Variants in MAN1B1 observed in about 807,000 individuals in gnomAD.
The protein encoded by MAN1B1 is endoplasmic reticulum mannosyl-oligosaccharide 1,2-alpha-mannosidase.
Under a neutral mutation model 75.5 loss-of-function variants are expected in MAN1B1, and 66 were observed. That is an observed-to-expected ratio of 0.87 (90% confidence interval 0.72 to 1.07). The LOEUF (loss-of-function observed/expected upper bound fraction) is 1.07. Among genes scored for constraint, MAN1B1 ranks in the 50% least tolerant of loss-of-function variants. The pLI is 0.00. For missense variants in MAN1B1, 973 were observed against 912.5 expected (o/e 1.07, Z -0.85); for synonymous variants, 453 against 382.8 (o/e 1.18, Z -2.14).
rs778700139 is a variant in MAN1B1 at position 137,107,442 on chromosome 9, G to T, written c.1759G>T (p.Val587Phe). The change falls in exon 11 of 13, where the codon GTC becomes TTC. Residue 587 changes from valine to phenylalanine, a missense_variant. Transcript: ENST00000371589. ...CCAGCCGGGCCGTCGGGACGTGGAG[G>T]TCAAGGTGGGCCTGGGCCTGGGTCA... is the stretch of plus-strand genomic sequence containing the variant. ...YPQPGRRDVE[V>F]KPADRHNLLR... is the part of the protein sequence containing the mutation. 1.2e-6 allele frequency: 2 copies of T among 1,613,226 alleles called. No homozygotes were observed. Among genetic ancestry groups the T allele is most frequent in the Non-Finnish European group, 1.7e-6 (2 of 1,179,972 alleles).
chr9:137,092,273 G>A (rs980145431), intron 3 of MAN1B1, among the ~76,000 whole-genome samples: 1 of 151,988 alleles, frequency 6.6e-6, no homozygotes, highest in Non-Finnish European at 1.5e-5. Flanking sequence ...TGGGAGGATC[G>A]CTTAAGCCAG....
chr9:137,106,120 C>T lies in MAN1B1; in HGVS notation c.1255-5C>T, dbSNP rs73569532. 1.9e-3 allele frequency: 3,002 copies of T among 1,612,090 alleles called. 52 individuals carry two copies. In the African/African-American group the frequency reaches 0.034, roughly 18 times the overall value. On this transcript the variant is annotated splice_region_variant and splice_polypyrimidine_tract_variant and intron_variant, in intron 8 of 12. Transcript: ENST00000371589. Reference sequence around the variant, plus strand: ...GTAAACCCACCATCCCCCTTTCTGCCGCAGGAGGCAGTGGAGAAGGTGACA... The same window carrying T: ...GTAAACCCACCATCCCCCTTTCTGCTGCAGGAGGCAGTGGAGAAGGTGACA...
At position 137,106,196 on chromosome 9, in the gene MAN1B1, C is replaced by T. The variant is rs1831093512; in HGVS notation, c.1326C>T (p.Phe442=). 4 of 1,612,022 alleles carry T rather than the reference C, an allele frequency of 2.5e-6. No homozygotes were observed. The highest frequency in any genetic ancestry group is 3.4e-6 in the Non-Finnish European group (4 of 1,179,620). The part of the protein sequence containing the change: ...SGKKDGLVPM[F]INTHSGLFTH... ...AGAAGGATGGGCTGGTGCCCATGTT[C>T]ATCAATACCCACAGTGGCCTCTTCA... Residue 442 remains phenylalanine (F), a synonymous_variant, in exon 9 of 13, where the codon TTC becomes TTT. Coordinates refer to ENST00000371589, the MANE Select transcript of MAN1B1 (RefSeq NM_016219.5).
In MAN1B1 at chr9:137,107,592, G is replaced by A. The variant is rs1032317403; in HGVS notation, c.1826G>A (p.Arg609His). 16 of 1,612,134 alleles carry A rather than the reference G, an allele frequency of 9.9e-6. No individual in the cohort carries two copies. Among genetic ancestry groups the A allele is most frequent in the East Asian group, 8.9e-5 (4 of 44,880 alleles). Residue 609 changes from arginine (R) to histidine (H), a missense_variant, in exon 12 of 13, where the codon CGC (arginine) becomes CAC (histidine). Arg to His is a conservative substitution (Grantham distance 29). Coordinates refer to ENST00000371589, the MANE Select transcript of MAN1B1 (RefSeq NM_016219.5). ...GTGGAGAGCCTGTTCTACCTGTACC[G>A]CGTCACAGGGGACCGCAAATACCAG... ...ETVESLFYLY[R>H]VTGDRKYQDW...
At position 137,107,296 on chromosome 9, in the gene MAN1B1, ACCACGGC is replaced by A; in HGVS notation, c.1615_1621del (p.His539CysfsTer19). Reference sequence around the variant, plus strand: ...CCAGGGACGCTGGCTCTGGGCGTCTACCACGGCCTGCCCGCCAGCCACATGGAGCTGG... The same window carrying A: ...CCAGGGACGCTGGCTCTGGGCGTCTACTGCCCGCCAGCCACATGGAGCTGG... On this transcript the variant is annotated frameshift_variant, in exon 11 of 13. Transcript: ENST00000371589. LOFTEE classifies it high-confidence loss of function. 1 of 1,613,034 alleles carries A rather than the reference ACCACGGC, an allele frequency of 6.2e-7. No individual in the cohort carries two copies. Among genetic ancestry groups the A allele is most frequent in the Non-Finnish European group, 8.5e-7 (1 of 1,179,976 alleles).
At position 137,102,897 on chromosome 9, in the gene MAN1B1, G is replaced by A. The variant is rs548709926; in HGVS notation, c.1254+1225G>A. The A allele has an allele frequency of 3.8e-5, 16 of 420,294 alleles. No individual in the cohort carries two copies. The East Asian group carries it at 1.2e-3, about 31-fold the overall frequency. 26.0% of individuals were successfully genotyped at this position (420,294 alleles called of 1,614,324 possible). On this transcript the variant is annotated intron_variant, in intron 8 of 12. Coordinates refer to ENST00000371589, the MANE Select transcript of MAN1B1 (RefSeq NM_016219.5). ...ACATTCATGCTGTTGCAGGCGTGCA[G>A]GTCAGTGGTGTTACACACATTCACG...
rs532644354 is a variant in MAN1B1 at position 137,109,108 on chromosome 9, G to A, written c.*517G>A. 17 of 455,346 alleles carry A rather than the reference G, an allele frequency of 3.7e-5. No homozygotes were observed. The highest frequency in any genetic ancestry group is 6.9e-5 in the East Asian group (1 of 14,424). 28.2% of individuals were successfully genotyped at this position (455,346 alleles called of 1,614,324 possible). A position where few individuals can be genotyped will look rare whatever the true frequency, so the allele number is the denominator to read the frequency against. On this transcript the variant is annotated 3_prime_UTR_variant, in exon 13 of 13. Transcript: ENST00000371589. ...CCGCAGGGGGCTTGGAGGGCTGGAC[G>A]GCAAGTCCGTCTAGCTCACGGGCCC...
At chr9:137,102,347 C>T (rs1036240079) in intron 8 of MAN1B1, 9 of 410,022 alleles carry the variant, frequency 2.2e-5, no homozygotes, top group African/African-American at 1.1e-4. Context: ...GCGTGCAGGT[C>T]GGTGGTGTTA....
At chr9:137,092,465 CCT>C (rs1425913327) in intron 3 of MAN1B1, among the ~76,000 whole-genome samples, 2 of 149,438 alleles carry the variant, frequency 1.3e-5, no homozygotes, top group Non-Finnish European at 2.9e-5. Context: ...TGGATTGGTC[CCT>C]GTTTCTTTTT....
In MAN1B1 at chr9:137,101,461, TCTCTA is replaced by T; in HGVS notation, c.1066-18_1066-14del. 3.7e-6 allele frequency: 6 copies of T among 1,612,730 alleles called. No homozygotes were observed. The highest frequency in any genetic ancestry group is 2.2e-5 in the East Asian group (1 of 44,876). ...GCCTCTGGGTGACCTGAACGTTGGTTCTCTACTCTGCTCATATACCAGGAGGATTT... is the reference window on the plus strand; with the variant it reads ...GCCTCTGGGTGACCTGAACGTTGGTTCTCTGCTCATATACCAGGAGGATTT... On this transcript the variant is annotated intron_variant, in intron 7 of 12. Transcript: ENST00000371589.
At chr9:137,091,834 A>G (rs951080485) in intron 3 of MAN1B1, among the ~76,000 whole-genome samples, 4 of 152,072 alleles carry the variant, frequency 2.6e-5, no homozygotes, top group Non-Finnish European at 5.9e-5. Flanking sequence ...CCTTAAAATT[A>G]TTTAATAGAG....
intron 1 of MAN1B1, chr9:137,087,434 C>T (rs1482502050): frequency 4.2e-6 from 3 of 715,274 alleles, no homozygotes; most frequent in Middle Eastern, 2.3e-4. Context: ...TTCTGCGGGG[C>T]GGTGGTGGGA....
At position 137,107,541 on chromosome 9, in the gene MAN1B1, G is replaced by A. The variant is rs1418791030; in HGVS notation, c.1775G>A (p.Arg592Lys). 1.2e-6 allele frequency: 2 copies of A among 1,612,926 alleles called. No individual in the cohort carries two copies. The highest frequency in any genetic ancestry group is 1.6e-4 in the Middle Eastern group (1 of 6,062). Residue 592 changes from arginine to lysine, a missense_variant, in exon 12 of 13, where the codon AGG becomes AAG. Coordinates refer to ENST00000371589, the MANE Select transcript of MAN1B1 (RefSeq NM_016219.5). ...CTGCTCCGCCCACAGCCAGCAGACAGGCACAACCTGCTGCGGCCAGAGACC... is the reference window on the plus strand; with the variant it reads ...CTGCTCCGCCCACAGCCAGCAGACAAGCACAACCTGCTGCGGCCAGAGACC... Reference protein sequence around the residue: ...RRDVEVKPADRHNLLRPETVE... With the variant: ...RRDVEVKPADKHNLLRPETVE...
chr9:137,096,911 G>A (rs146955526), intron 4 of MAN1B1, among the ~76,000 whole-genome samples: 1,761 of 152,338 alleles, frequency 0.012, 32 homozygotes, highest in Non-Finnish European at 0.015. Flanking sequence ...GGTTGAGGCG[G>A]AAGGAAGGGT....
intron 2 of MAN1B1, 81 bp from the exon 3 acceptor site, chr9:137,088,788 T>G: frequency 6.9e-7 from 1 of 1,457,240 alleles, no homozygotes; most frequent in Admixed American, 1.7e-5. Flanking sequence ...GGATAGTGCC[T>G]GCCAAGTGTT....
chr9:137,101,338 T>A lies in MAN1B1; in HGVS notation c.1066-146T>A, dbSNP rs948267724. 1.2e-5 allele frequency: 13 copies of A among 1,066,814 alleles called. No individual in the cohort carries two copies. In the African/African-American group the frequency reaches 1.9e-4, roughly 15 times the overall value. 66.1% of individuals were successfully genotyped at this position (1,066,814 alleles called of 1,614,324 possible). A position where few individuals can be genotyped will look rare whatever the true frequency, so the allele number is the denominator to read the frequency against. ...GATCACCACTGGCCTTGTAGAGACATTCACTCAGTGCAGAGTGATGCCCGT... is the reference window on the plus strand; with the variant it reads ...GATCACCACTGGCCTTGTAGAGACAATCACTCAGTGCAGAGTGATGCCCGT... On this transcript the variant is annotated intron_variant, in intron 7 of 12. Coordinates refer to ENST00000371589, the MANE Select transcript of MAN1B1 (RefSeq NM_016219.5).
At position 137,087,245 on chromosome 9, in the gene MAN1B1, G is replaced by T. The variant is rs1178938016; in HGVS notation, c.219+27G>T. ...TGAGGGTCGCGCCGGGCTGACTGGG[G>T]CCCGGGGCTGCCGTGCCCGCCGCCC... On this transcript the variant is annotated intron_variant, in intron 1 of 12. Coordinates refer to ENST00000371589, the MANE Select transcript of MAN1B1 (RefSeq NM_016219.5). 2.6e-6 allele frequency: 4 copies of T among 1,550,938 alleles called. No individual in the cohort carries two copies. The Admixed American group carries it at 5.9e-5, about 23-fold the overall frequency.
chr9:137,105,881 C>T (rs1425260374), intron 8 of MAN1B1: 14 of 664,642 alleles, frequency 2.1e-5, no homozygotes. Context: ...TGGGTCAGCT[C>T]TGTGGTGACC....
At chr9:137,108,224 G>A (rs377246290) in intron 12 of MAN1B1, 164 bp from the exon 13 acceptor site, 1 of 670,710 alleles carries the variant, frequency 1.5e-6, no homozygotes, top group Non-Finnish European at 2.6e-6. Flanking sequence ...GGGCTCCGGT[G>A]GAACCACACG....
Sources: allele counts gnomAD v4.1 joint callset (sites outside exome capture counted in the v4.1 genomes callset), GRCh38; gene constraint gnomAD v4.1.1; transcripts MANE v1.5; gene names NCBI Gene and HGNC (gene_info 2026-07-23, HGNC 2026-07-21).